Variants in TYW1 observed in about 807,000 individuals in gnomAD.
The protein encoded by TYW1 is tRNA-yW synthesizing protein 1 homolog.
TYW1 carries 46 observed loss-of-function variants against 96.2 expected under a neutral mutation model. The observed-to-expected ratio is 0.48, with a 90% confidence interval of 0.38 to 0.61. The LOEUF (loss-of-function observed/expected upper bound fraction) is 0.61. Among genes scored for constraint, TYW1 ranks in the 20% least tolerant of loss-of-function variants. The probability of loss-of-function intolerance (pLI) is 0.00; values close to 1 mark genes in which losing one functional copy is unlikely to be tolerated. For missense variants in TYW1, 684 were observed against 909.6 expected (o/e 0.75, Z 3.19); for synonymous variants, 274 against 323.0 (o/e 0.85, Z 1.63).
Position 67,195,171 on chromosome 7 carries a change from G to A in TYW1, c.1811G>A (p.Gly604Asp), listed in dbSNP as rs1227304040. Reference sequence around the variant, plus strand: ...CTGATGGTTATACTGTTTCCACAGGGCGTTACCTACTGCGGAGAAAGTTCA... The same window carrying A: ...CTGATGGTTATACTGTTTCCACAGGACGTTACCTACTGCGGAGAAAGTTCA... ...LGNPDFIEVKGVTYCGESSAS... is the reference protein window; with the variant it reads ...LGNPDFIEVKDVTYCGESSAS... The change falls in exon 15 of 16, where the codon GGC becomes GAC. Residue 604 changes from glycine (G) to aspartate (D), a missense_variant and splice_region_variant. Transcript: ENST00000359626. The A allele has an allele frequency of 6.2e-7, 1 of 1,613,848 alleles. No individual in the cohort carries two copies. The highest frequency in any genetic ancestry group is 2.2e-5 in the East Asian group (1 of 44,878).
chr7:67,162,545 A>T lies in TYW1; in HGVS notation c.1699-20581A>T, dbSNP rs558483151. Among the ~76,000 whole-genome samples the T allele has an allele frequency of 9.2e-5, 14 of 152,256 alleles. 1 individual carries two copies. The South Asian group carries it at 1.9e-3, about 20-fold the overall frequency. On this transcript the variant is annotated intron_variant, in intron 13 of 15. Coordinates refer to ENST00000359626, the MANE Select transcript of TYW1 (RefSeq NM_018264.4). ...ATTCCTTTAAAATTTACTTTGTCTC[A>T]GTCGTTTTGTGAAGCATAATTTGGC...
intron 15 of TYW1, among the ~76,000 whole-genome samples, chr7:67,216,834 T>C (rs73377198): frequency 0.25 from 36,265 of 147,588 alleles, 3,631 homozygotes; most frequent in African/African-American, 0.32. Flanking sequence ...TTATTCAATC[T>C]ATGAATTATT....
intron 15 of TYW1, among the ~76,000 whole-genome samples, chr7:67,228,650 C>T (rs1801641830): frequency 6.6e-6 from 1 of 152,206 alleles, no homozygotes; most frequent in African/African-American, 2.4e-5. Flanking sequence ...TTGTGGGGTA[C>T]TCTTTTTTCA....
At chr7:66,998,267 G>T in intron 2 of TYW1, 72 bp downstream of exon 2, 1 of 1,525,454 alleles carries the variant, frequency 6.6e-7, no homozygotes, top group East Asian at 2.4e-5. Flanking sequence ...AATACTAAAA[G>T]GAACCTTTAA....
chr7:67,018,805 A>G (rs1794113671), intron 6 of TYW1, among the ~76,000 whole-genome samples: 1 of 151,432 alleles, frequency 6.6e-6, no homozygotes, highest in African/African-American at 2.4e-5. Context: ...AAAATACAAA[A>G]ATTAGCCAGG....
At chr7:67,228,410 A>G (rs745435944) in intron 15 of TYW1, among the ~76,000 whole-genome samples, 5 of 152,166 alleles carry the variant, frequency 3.3e-5, no homozygotes, top group Non-Finnish European at 5.9e-5. Flanking sequence ...GCCCTCCTCC[A>G]TGATTCAATT....
intron 15 of TYW1, among the ~76,000 whole-genome samples, chr7:67,230,355 G>T (rs1156774252): frequency 7.9e-6 from 1 of 126,904 alleles, no homozygotes; most frequent in East Asian, 2.2e-4. Flanking sequence ...TTGTTGATGT[G>T]CTTTTTCCTT....
intron 13 of TYW1, among the ~76,000 whole-genome samples, chr7:67,139,042 G>A (rs1302953569): frequency 6.6e-6 from 1 of 151,950 alleles, no homozygotes; most frequent in African/African-American, 2.4e-5. Flanking sequence ...TTCAAAACCT[G>A]TAGTTATTTG....
chr7:67,159,661 T>G (rs1799095757), intron 13 of TYW1, among the ~76,000 whole-genome samples: 1 of 152,172 alleles, frequency 6.6e-6, no homozygotes, highest in African/African-American at 2.4e-5. Context: ...AATCATTCAA[T>G]ATAGTCTTTT....
rs558708211 is a variant in TYW1 at position 67,155,841 on chromosome 7, CT to C, written c.1699-27283del. 2.0e-4 allele frequency among the ~76,000 whole-genome samples: 30 copies of C among 152,076 alleles called. 1 individual carries two copies. The South Asian group carries it at 5.8e-3, about 29-fold the overall frequency. On this transcript the variant is annotated intron_variant, in intron 13 of 15. Transcript: ENST00000359626. ...CTTACACCTGGTTTAATGGTCACTT[CT>C]TCCAATTTTATGGATTAGCTTTCAG...
At chr7:67,237,658 T>C (rs377573576) in intron 15 of TYW1, among the ~76,000 whole-genome samples, 4 of 152,110 alleles carry the variant, frequency 2.6e-5, no homozygotes, top group African/African-American at 9.7e-5. Flanking sequence ...TCTGAGCCTC[T>C]TCAACTTTCT....
In TYW1 at chr7:67,121,948, T is replaced by C. The variant is rs1252050362; in HGVS notation, c.1698+4330T>C. 2.1e-5 allele frequency among the ~76,000 whole-genome samples: 3 copies of C among 142,480 alleles called. 1 individual carries two copies. The highest frequency in any genetic ancestry group is 8.4e-5 in the African/African-American group (3 of 35,684). The allele number at this position is 142,480 out of a possible 152,430, so 93.5% of individuals were successfully genotyped here. On this transcript the variant is annotated intron_variant, in intron 13 of 15. Coordinates refer to ENST00000359626, the MANE Select transcript of TYW1 (RefSeq NM_018264.4). ...TCCATCAAGATACCAGAGTAAAAAATGTGTTAACTTCAATTTCTGTCCGCG... is the reference window on the plus strand; with the variant it reads ...TCCATCAAGATACCAGAGTAAAAAACGTGTTAACTTCAATTTCTGTCCGCG...
At chr7:67,032,143 G>A (rs1185063002) in intron 7 of TYW1, among the ~76,000 whole-genome samples, 3 of 152,006 alleles carry the variant, frequency 2.0e-5, no homozygotes, top group African/African-American at 7.2e-5. Flanking sequence ...TTTTAGTCTT[G>A]GATCAAAGAG....
intron 5 of TYW1, among the ~76,000 whole-genome samples, chr7:67,016,531 GA>G (rs879523332): frequency 0.019 from 2,949 of 152,142 alleles, 45 homozygotes; most frequent in Non-Finnish European, 0.03. Flanking sequence ...TTGGTAACAA[GA>G]GTGAAACTCT....
At chr7:67,129,437 A>G (rs1797997287) in intron 13 of TYW1, among the ~76,000 whole-genome samples, 1 of 152,116 alleles carries the variant, frequency 6.6e-6, no homozygotes, top group South Asian at 2.1e-4. Flanking sequence ...AGCCTCCAGC[A>G]CTTTGTCAAT....
At chr7:67,110,390 G>A (rs1227685628) in intron 12 of TYW1, among the ~76,000 whole-genome samples, 1 of 152,110 alleles carries the variant, frequency 6.6e-6, no homozygotes, top group Non-Finnish European at 1.5e-5. Flanking sequence ...CAAACTGCCT[G>A]CCTGGGTGAT....
chr7:67,093,373 G>C (rs898970802), intron 11 of TYW1, among the ~76,000 whole-genome samples: 3 of 152,102 alleles, frequency 2.0e-5, no homozygotes, highest in African/African-American at 4.8e-5. Context: ...GAGGGTGAGA[G>C]AGGCTTGACC....
At chr7:67,145,847 T>C (rs1223916230) in intron 13 of TYW1, among the ~76,000 whole-genome samples, 1 of 152,152 alleles carries the variant, frequency 6.6e-6, no homozygotes, top group Non-Finnish European at 1.5e-5. Flanking sequence ...CTCTGCCTCC[T>C]GGGCTTAAGC....
intron 10 of TYW1, among the ~76,000 whole-genome samples, chr7:67,080,462 G>A (rs1796348290): frequency 6.6e-6 from 1 of 150,830 alleles, no homozygotes; most frequent in Non-Finnish European, 1.5e-5. Context: ...CTGGGGTGCA[G>A]TGGCACAATC....
Sources: gnomAD v4.1 joint callset for allele counts (sites outside exome capture counted in the v4.1 genomes callset) on GRCh38, gnomAD v4.1.1 for gene constraint, MANE v1.5 for transcripts, NCBI Gene and HGNC (gene_info 2026-07-23, HGNC 2026-07-21) for gene names.